The following KDM5C variants were observed in gnomAD, a reference collection of about 807,000 sequenced individuals.
The protein encoded by KDM5C is lysine demethylase 5C, also known as lysine-specific demethylase 5C.
A neutral mutation model predicts 110.6 loss-of-function variants in KDM5C; 16 were observed. That is an observed-to-expected ratio of 0.14 (90% CI 0.10 to 0.22). The LOEUF is 0.22. KDM5C is among the 10% of genes least tolerant of loss of function. The pLI, the probability that KDM5C is intolerant of heterozygous loss-of-function variation, is 1.00. For missense variants in KDM5C, 681 were observed against 1,300.9 expected (o/e 0.52, Z 7.33); for synonymous variants, 511 against 520.4 (o/e 0.98, Z 0.24).
intron 16 of KDM5C, 56 bp from the exon 17 acceptor site, chrX:53,198,693 AG>A (rs1233131611): frequency 2.1e-5 from 25 of 1,209,367 alleles, no homozygotes; most frequent in Non-Finnish European, 2.7e-5. Flanking sequence ...AGGCAGAGGA[AG>A]GGGGTCAGAG....
At chrX:53,194,804 C>A in intron 22 of KDM5C, 66 bp from the exon 23 acceptor site, 1 of 1,197,033 alleles carries the variant, frequency 8.4e-7, no homozygotes, top group Non-Finnish European at 1.1e-6. Flanking sequence ...TGGGCCCCCC[C>A]TTAACACCCC....
intron 25 of KDM5C, among the ~76,000 whole-genome samples, chrX:53,182,805 C>T (rs1934104280): frequency 8.9e-6 from 1 of 112,437 alleles, no homozygotes; most frequent in African/African-American, 3.2e-5. Flanking sequence ...TGTCTTTTCA[C>T]TTTCTTGATG....
rs1934470322 is a variant in KDM5C, at chrX:53,192,284, T to C, written c.*683A>G. On this transcript the variant is annotated 3_prime_UTR_variant, in exon 26 of 26. Coordinates refer to ENST00000375401, the MANE Select transcript of KDM5C (RefSeq NM_004187.5). ...TTTTTTTTCTTTTGAACAAATTAATTACACACCAACAATCTTCTTTTATTA... is the reference window on the plus strand; with the variant it reads ...TTTTTTTTCTTTTGAACAAATTAATCACACACCAACAATCTTCTTTTATTA... The C allele has an allele frequency of 5.7e-6, 1 of 174,143 alleles. No individual in the cohort carries two copies. Among genetic ancestry groups the C allele is most frequent in the Admixed American group, 8.0e-5 (1 of 12,534 alleles). 14.4% of individuals were successfully genotyped at this position (174,143 alleles called of 1,213,427 possible).
chrX:53,179,510 T>A (rs1356281604), intron 25 of KDM5C, among the ~76,000 whole-genome samples: 1 of 111,249 alleles, frequency 9.0e-6, no homozygotes, highest in African/African-American at 3.3e-5. Context: ...TGGTGGCACA[T>A]GCATGTAGTC....
intron 25 of KDM5C, among the ~76,000 whole-genome samples, chrX:53,183,180 T>G (rs1206414639): frequency 9.5e-6 from 1 of 105,466 alleles, no homozygotes; most frequent in Non-Finnish European, 1.9e-5. Context: ...ATCCCAACAT[T>G]TTTGGGAGGC....
chrX:53,208,499 CTTTTTTT>C (rs67574134), intron 12 of KDM5C, among the ~76,000 whole-genome samples: 21 of 48,300 alleles, frequency 4.3e-4, no homozygotes, highest in South Asian at 2.9e-3. Flanking sequence ...TCAGAGAATC[CTTTTTTT>C]TTTTTTTTTT....
At chrX:53,190,931 C>T (rs1220768842), downstream of KDM5C, among the ~76,000 whole-genome samples, 1 of 111,655 alleles carries the variant, frequency 9.0e-6, no homozygotes, top group African/African-American at 3.3e-5. Flanking sequence ...CTCACAGCCC[C>T]TTGAGAGGAC....
intron 5 of KDM5C, among the ~76,000 whole-genome samples, chrX:53,216,914 G>A (rs962663838): frequency 3.6e-5 from 4 of 112,528 alleles, no homozygotes; most frequent in African/African-American, 1.3e-4. Context: ...CAGGCAAGAA[G>A]AGCAGACATA....
At chrX:53,191,291 T>C (rs1934407177), downstream of KDM5C, 3 of 172,539 alleles carry the variant, frequency 1.7e-5, no homozygotes. Flanking sequence ...GAAACCACTT[T>C]GCTAAGTGAA....
At position 53,214,690 on chromosome X, in the gene KDM5C, G is replaced by A. The variant is rs1261132692; in HGVS notation, c.1121C>T (p.Ala374Val). The A allele has an allele frequency of 2.5e-6, 3 of 1,205,321 alleles. No homozygotes were observed. Among genetic ancestry groups the A allele is most frequent in the Non-Finnish European group, 2.2e-6 (2 of 892,717 alleles). The change falls in exon 8 of 26, where the codon GCG becomes GTG. Residue 374 changes from alanine to valine, a missense_variant and splice_region_variant. Ala to Val is a moderately conservative substitution (Grantham distance 64). Coordinates refer to ENST00000375401, the MANE Select transcript of KDM5C (RefSeq NM_004187.5). ...GVWRCPKCVMAECKRPPEAFG... is the reference protein window; with the variant it reads ...GVWRCPKCVMVECKRPPEAFG... Reference sequence around the variant, plus strand: ...AGATGTGGAGTGGGGAGGCCTTACCGCCATGACACACTTTGGGCACCGCCA... The same window carrying A: ...AGATGTGGAGTGGGGAGGCCTTACCACCATGACACACTTTGGGCACCGCCA...
chrX:53,182,521 C>A (rs1934095471), intron 25 of KDM5C, among the ~76,000 whole-genome samples: 1 of 112,144 alleles, frequency 8.9e-6, no homozygotes, highest in Non-Finnish European at 1.9e-5. Context: ...GCACATGCCA[C>A]CACGCCCAGC....
chrX:53,204,036 C>T (rs782623520), intron 12 of KDM5C, among the ~76,000 whole-genome samples: 1 of 111,349 alleles, frequency 9.0e-6, no homozygotes, highest in Non-Finnish European at 1.9e-5. Flanking sequence ...AGCCACTGCA[C>T]CGCACTGGCC....
downstream of KDM5C, among the ~76,000 whole-genome samples, chrX:53,186,561 C>G (rs1309505613): frequency 8.9e-6 from 1 of 112,601 alleles, no homozygotes; most frequent in Non-Finnish European, 1.9e-5. Flanking sequence ...ATCATACTCC[C>G]AACTGCTGTA....
In KDM5C at chrX:53,216,071, T is replaced by C. The variant is rs1288452758; in HGVS notation, c.781+3A>G. The C allele has an allele frequency of 8.2e-7, 1 of 1,212,422 alleles. No homozygotes were observed. The highest frequency in any genetic ancestry group is 1.1e-6 in the Non-Finnish European group (1 of 895,642). On this transcript the variant is annotated splice_donor_region_variant and intron_variant, in intron 6 of 25. Transcript: ENST00000375401. ...GAGGCCACCCCAGCCTGTTAGGCCT[T>C]ACCTTTCTTCCGCAGAGTCTTGTCT...
chrX:53,191,359 A>G, downstream of KDM5C: 1 of 174,896 alleles, frequency 5.7e-6, no homozygotes, highest in East Asian at 8.1e-5. Flanking sequence ...AAATGTCCAG[A>G]ATAGGCAAAT....
At chrX:53,219,541 G>A (rs2073842587) in intron 2 of KDM5C, among the ~76,000 whole-genome samples, 1 of 112,221 alleles carries the variant, frequency 8.9e-6, no homozygotes, top group African/African-American at 3.2e-5. Flanking sequence ...GACTCCCATA[G>A]GCCCCAAGTC....
intron 3 of KDM5C, 35 bp downstream of exon 3, chrX:53,218,241 G>A: frequency 8.3e-7 from 1 of 1,209,618 alleles, no homozygotes; most frequent in Non-Finnish European, 1.1e-6. Context: ...ATTGGGGTTT[G>A]GTGGGAGGGG....
Position 53,179,090 on chromosome X carries a change from C to T in KDM5C, c.4309-2468G>A, listed in dbSNP as rs782271698. Among the ~76,000 whole-genome samples the T allele has an allele frequency of 2.7e-5, 3 of 112,188 alleles. No individual in the cohort carries two copies. The Admixed American group carries it at 2.8e-4, about 11-fold the overall frequency. ...TCTCTACCAAAATACAAAAATTAGC[C>T]AGGCATGGTGGCAGGTGCCTATAGT... is the stretch of plus-strand genomic sequence containing the variant. On this transcript the variant is annotated intron_variant, in intron 25 of 25. Coordinates refer to the KDM5C transcript ENST00000685641.
At chrX:53,213,647 G>A (rs1193993763) in intron 8 of KDM5C, among the ~76,000 whole-genome samples, 1 of 111,295 alleles carries the variant, frequency 9.0e-6, no homozygotes, top group African/African-American at 3.3e-5. Context: ...TCCCAGTCCT[G>A]AACAGCCAAC....
Sources: allele counts gnomAD v4.1 joint callset (sites outside exome capture counted in the v4.1 genomes callset), GRCh38; gene constraint gnomAD v4.1.1; transcripts MANE v1.5; gene names NCBI Gene and HGNC (gene_info 2026-07-23, HGNC 2026-07-21).